Variants in NLRP1 observed in about 807,000 individuals in gnomAD.
NLRP1 encodes NACHT, LRR and PYD domains-containing protein 1.
A neutral mutation model predicts 136.7 loss-of-function variants in NLRP1; 94 were observed. That is an observed-to-expected ratio of 0.69 (90% CI 0.58 to 0.82). The LOEUF (loss-of-function observed/expected upper bound fraction) is 0.82, where lower values mean the gene tolerates loss of function less well. Among genes scored for constraint, NLRP1 ranks in the 40% least tolerant of loss-of-function variants. The pLI is 0.00. For missense variants in NLRP1, 1,575 were observed against 1,802.7 expected (o/e 0.87, Z 2.29); for synonymous variants, 690 against 725.1 (o/e 0.95, Z 0.78).
chr17:5,572,035 T>G (rs963521794), intron 3 of NLRP1, among the ~76,000 whole-genome samples: 1 of 152,210 alleles, frequency 6.6e-6, no homozygotes, highest in African/African-American at 2.4e-5. Context: ...CTGAGATAAC[T>G]GGCTAGCCAT....
At chr17:5,563,444 T>C (rs901251683) in intron 3 of NLRP1, among the ~76,000 whole-genome samples, 1 of 152,226 alleles carries the variant, frequency 6.6e-6, no homozygotes, top group African/African-American at 2.4e-5. Context: ...ACTGATCTGA[T>C]AGAGCTGGAA....
chr17:5,560,767 C>CCGCCT (rs1388138576), intron 3 of NLRP1, among the ~76,000 whole-genome samples: 1 of 152,202 alleles, frequency 6.6e-6, no homozygotes, highest in Non-Finnish European at 1.5e-5. Flanking sequence ...CTGGGTTTCC[C>CCGCCT]CGCCTCACCA....
chr17:5,582,916 T>G (rs1905856275), intron 1 of NLRP1, 70 bp from the exon 2 acceptor site: 1 of 1,279,824 alleles, frequency 7.8e-7, no homozygotes, highest in Non-Finnish European at 1.1e-6. Context: ...GGAACTGAGC[T>G]GGTCTCCTCT....
At chr17:5,538,407 C>T (rs1161751086) in intron 7 of NLRP1, among the ~76,000 whole-genome samples, 1 of 152,144 alleles carries the variant, frequency 6.6e-6, no homozygotes, top group African/African-American at 2.4e-5. Context: ...CACACCATCC[C>T]TAGGCCTAGA....
chr17:5,575,688 A>AC (rs929955564), intron 3 of NLRP1, among the ~76,000 whole-genome samples: 11 of 152,188 alleles, frequency 7.2e-5, no homozygotes, highest in Admixed American at 7.2e-4. Context: ...AGACTTTAAC[A>AC]CCCCCCTGTC....
intron 10 of NLRP1, 54 bp from the exon 11 acceptor site, chr17:5,533,038 G>C: frequency 6.5e-7 from 1 of 1,543,986 alleles, no homozygotes; most frequent in Non-Finnish European, 8.7e-7. Flanking sequence ...GCCTCCCCTA[G>C]CCCCTATGGC....
At chr17:5,511,369 T>C (rs1450819981), downstream of NLRP1, among the ~76,000 whole-genome samples, 4 of 150,434 alleles carry the variant, frequency 2.7e-5, no homozygotes, top group East Asian at 5.9e-4. Flanking sequence ...GAGGTGGAGG[T>C]TGCAGTGAGT....
In NLRP1 at chr17:5,542,029, T is replaced by G. The variant is rs1911927287; in HGVS notation, c.2529-2A>C. 1 of 1,612,260 alleles carries G rather than the reference T, an allele frequency of 6.2e-7. No homozygotes were observed. The highest frequency in any genetic ancestry group is 1.7e-5 in the Admixed American group (1 of 59,832). ...GCTGTGAGGCCACAGCCAGCCAACC[T>G]GTGGAAGACACACACCCATGGTCTT... is the stretch of plus-strand genomic sequence containing the variant. On this transcript the variant is annotated splice_acceptor_variant, in intron 5 of 16. Coordinates refer to ENST00000572272, the MANE Select transcript of NLRP1 (RefSeq NM_033004.4). LOFTEE classifies it high-confidence loss of function.
chr17:5,583,563 G>A lies in NLRP1; in HGVS notation c.271+124C>T. ...GCCTGGATCCCCCTTTGAGAGGGCA[G>A]TTCCATGTCACTGCTCAGAGGAAGG... On this transcript the variant is annotated intron_variant, in intron 1 of 16. Coordinates refer to ENST00000572272, the MANE Select transcript of NLRP1 (RefSeq NM_033004.4). This position sits in a 1 kb window ranked among gnomAD's most constrained non-coding sequence, Gnocchi z 4.5. 9.5e-7 allele frequency: 1 copy of A among 1,052,758 alleles called. No individual in the cohort carries two copies. The highest frequency in any genetic ancestry group is 1.3e-6 in the Non-Finnish European group (1 of 742,704). The allele number at this position is 1,052,758 out of a possible 1,614,324, so 65.2% of individuals were successfully genotyped here. A position where few individuals can be genotyped will look rare whatever the true frequency, so the allele number is the denominator to read the frequency against.
At chr17:5,581,103 A>G (rs143130347) in intron 3 of NLRP1, among the ~76,000 whole-genome samples, 223 of 152,322 alleles carry the variant, frequency 1.5e-3, no homozygotes, top group African/African-American at 5.1e-3. Context: ...GGTGCAGAAG[A>G]AATCCTTTTA....
intron 8 of NLRP1, among the ~76,000 whole-genome samples, chr17:5,535,566 G>C (rs1017288800): frequency 1.3e-5 from 2 of 152,216 alleles, no homozygotes; most frequent in African/African-American, 4.8e-5. Context: ...CATTTGCGCA[G>C]ACACTTCTGG....
chr17:5,582,378 G>C (rs199476209), intron 2 of NLRP1, among the ~76,000 whole-genome samples: 1 of 151,974 alleles, frequency 6.6e-6, no homozygotes, highest in Non-Finnish European at 1.5e-5. Flanking sequence ...CTGAGTTCTC[G>C]GGCAAGGACC....
At chr17:5,517,589 T>C (rs1908322687) in intron 15 of NLRP1, among the ~76,000 whole-genome samples, 157 bp downstream of exon 15, 1 of 152,188 alleles carries the variant, frequency 6.6e-6, no homozygotes, top group Admixed American at 6.5e-5. Flanking sequence ...GGTTTCACCA[T>C]ATTGGCCAGG....
At chr17:5,548,747 T>C (rs1912977161) in intron 5 of NLRP1, among the ~76,000 whole-genome samples, 1 of 152,182 alleles carries the variant, frequency 6.6e-6, no homozygotes, top group African/African-American at 2.4e-5. Context: ...AGTCCTTATC[T>C]TGACCTCCCA....
At chr17:5,523,192 G>T (rs1157711047) in intron 12 of NLRP1, among the ~76,000 whole-genome samples, 1 of 152,144 alleles carries the variant, frequency 6.6e-6, no homozygotes, top group Non-Finnish European at 1.5e-5. Flanking sequence ...AGGCTGAGGT[G>T]GGCGGATCAC....
downstream of NLRP1, among the ~76,000 whole-genome samples, chr17:5,511,450 A>G (rs1382831721): frequency 6.6e-6 from 1 of 151,516 alleles, no homozygotes; most frequent in Non-Finnish European, 1.5e-5. Flanking sequence ...AAAAAAAAAA[A>G]AGAGAATCTG....
intron 5 of NLRP1, among the ~76,000 whole-genome samples, chr17:5,550,742 T>G (rs1267378214): frequency 6.6e-6 from 1 of 152,168 alleles, no homozygotes; most frequent in Non-Finnish European, 1.5e-5. Context: ...TTTGGTTTTG[T>G]TTGCTTTTTA....
At chr17:5,534,670 G>A (rs554497526) in intron 8 of NLRP1, among the ~76,000 whole-genome samples, 1 of 152,056 alleles carries the variant, frequency 6.6e-6, no homozygotes, top group Non-Finnish European at 1.5e-5. Context: ...GCTTCTGCTC[G>A]GGTCCCTCTG....
downstream of NLRP1, among the ~76,000 whole-genome samples, chr17:5,511,797 TTC>T (rs919592718): frequency 3.0e-4 from 44 of 145,958 alleles, 4 homozygotes; most frequent in African/African-American, 9.3e-4. Context: ...TCTCTTTCCT[TTC>T]TCTCTTTCCT....
Sources: allele counts gnomAD v4.1 joint callset (sites outside exome capture counted in the v4.1 genomes callset), GRCh38; gene constraint gnomAD v4.1.1; non-coding constraint Gnocchi (gnomAD v3.1); transcripts MANE v1.5; gene names NCBI Gene and HGNC (gene_info 2026-07-23, HGNC 2026-07-21).